The following BLK variants were observed in gnomAD, a reference collection of about 807,000 sequenced individuals.
BLK encodes BLK proto-oncogene, Src family tyrosine kinase, also known as tyrosine-protein kinase Blk.
BLK carries 64 observed loss-of-function variants against 61.8 expected under a neutral mutation model. That is an observed-to-expected ratio of 1.03 (90% CI 0.85 to 1.27). BLK has a LOEUF of 1.27. Among genes scored for constraint, BLK ranks in the 50% most tolerant of loss-of-function variants. The pLI is 0.00. For missense variants in BLK, 853 were observed against 660.5 expected (o/e 1.29, Z -3.19); for synonymous variants, 351 against 272.0 (o/e 1.29, Z -2.86).
rs190073743 is a variant in BLK, at chr8:11,531,260, G to A, written c.-1-11964G>A. Among the ~76,000 whole-genome samples the A allele has an allele frequency of 5.3e-5, 8 of 152,198 alleles. No homozygotes were observed. The South Asian group carries it at 1.7e-3, about 32-fold the overall frequency. ...AAATGTCCTGCCTGTCTCTGATTTAGCTATTTCTTTTCTTAATGGTGTTTT... is the reference window on the plus strand; with the variant it reads ...AAATGTCCTGCCTGTCTCTGATTTAACTATTTCTTTTCTTAATGGTGTTTT... On this transcript the variant is annotated intron_variant, in intron 1 of 12. Transcript: ENST00000259089.
intron 1 of BLK, among the ~76,000 whole-genome samples, chr8:11,516,207 G>C (rs983443930): frequency 6.6e-6 from 1 of 152,250 alleles, no homozygotes; most frequent in African/African-American, 2.4e-5. Context: ...CCCTGGAGTA[G>C]TCCCATTCAG....
chr8:11,562,788 G>C (rs1801549743), intron 11 of BLK, among the ~76,000 whole-genome samples, 191 bp from the exon 12 acceptor site: 1 of 152,204 alleles, frequency 6.6e-6, no homozygotes, highest in Non-Finnish European at 1.5e-5. Context: ...TGCTGATGTC[G>C]TGTCTGCACT....
intron 1 of BLK, among the ~76,000 whole-genome samples, chr8:11,518,246 A>G (rs555403631): frequency 1.3e-5 from 2 of 152,216 alleles, no homozygotes; most frequent in African/African-American, 4.8e-5. Context: ...CCCAGCTGAG[A>G]CGAAGCACCA....
intron 1 of BLK, 29 bp from the exon 2 acceptor site, chr8:11,543,195 G>A (rs1031574195): frequency 2.5e-6 from 4 of 1,613,192 alleles, no homozygotes; most frequent in Non-Finnish European, 3.4e-6. Flanking sequence ...GCTCTCTCAT[G>A]TCCTCTGTCT....
At position 11,564,590 on chromosome 8, in the gene BLK, G is replaced by T. The variant is rs1428630061; in HGVS notation, c.*482G>T. The T allele has an allele frequency of 9.7e-6, 4 of 412,590 alleles. No homozygotes were observed. The Admixed American group carries it at 1.0e-4, about 11-fold the overall frequency. 25.6% of individuals were successfully genotyped at this position (412,590 alleles called of 1,614,324 possible). A position where few individuals can be genotyped will look rare whatever the true frequency, so the allele number is the denominator to read the frequency against. On this transcript the variant is annotated 3_prime_UTR_variant, in exon 13 of 13. Transcript: ENST00000259089. ...CGGGGCTTTTCTGCAATAAAGTCAC[G>T]AGCGTTCGAGCTGTTCCGTGTCGTT...
chr8:11,518,997 G>C (rs1036285726), intron 1 of BLK, among the ~76,000 whole-genome samples: 1 of 152,016 alleles, frequency 6.6e-6, no homozygotes, highest in Non-Finnish European at 1.5e-5. Flanking sequence ...ATTCTGTCCC[G>C]TCATCCTGTT....
chr8:11,537,499 C>T (rs906514316), intron 1 of BLK, among the ~76,000 whole-genome samples: 2 of 152,118 alleles, frequency 1.3e-5, no homozygotes, highest in African/African-American at 4.8e-5. Context: ...ACTATTTTGC[C>T]ACAGGGGAGA....
At chr8:11,546,260 C>A (rs2244931) in intron 3 of BLK, among the ~76,000 whole-genome samples, 157 bp downstream of exon 3, 1 of 152,082 alleles carries the variant, frequency 6.6e-6, no homozygotes, top group South Asian at 2.1e-4. Context: ...CCTCTTGGGG[C>A]GTCTCTTCAG....
intron 1 of BLK, among the ~76,000 whole-genome samples, chr8:11,532,118 C>A (rs1404643587): frequency 2.0e-5 from 3 of 151,348 alleles, no homozygotes; most frequent in African/African-American, 4.9e-5. Flanking sequence ...TTCGGCCTCC[C>A]AAAGTGCTGG....
chr8:11,501,874 G>C (rs1286970289), intron 1 of BLK, among the ~76,000 whole-genome samples: 1 of 152,222 alleles, frequency 6.6e-6, no homozygotes, highest in African/African-American at 2.4e-5. Context: ...CTGGGTAGTA[G>C]TTTTTCAATA....
chr8:11,534,643 G>A (rs963927590), intron 1 of BLK, among the ~76,000 whole-genome samples: 1 of 152,176 alleles, frequency 6.6e-6, no homozygotes, highest in Non-Finnish European at 1.5e-5. Context: ...AATGGGGGGA[G>A]GTGAATTTCC....
chr8:11,546,723 A>C (rs916409040), intron 3 of BLK, among the ~76,000 whole-genome samples: 20 of 152,176 alleles, frequency 1.3e-4, no homozygotes, highest in Admixed American at 8.5e-4. Flanking sequence ...TTACAGGTGC[A>C]CACAACCACA....
At chr8:11,561,078 C>A (rs1016324118) in intron 10 of BLK, 1 of 698,554 alleles carries the variant, frequency 1.4e-6, no homozygotes, top group African/African-American at 1.7e-5. Context: ...GGGAGGGGCA[C>A]AGGTAGCCCC....
chr8:11,501,994 C>A (rs1798579319), intron 1 of BLK, among the ~76,000 whole-genome samples: 1 of 152,244 alleles, frequency 6.6e-6, no homozygotes, highest in African/African-American at 2.4e-5. Context: ...CGACCTGTAG[C>A]ATTTGCCTGT....
At chr8:11,513,295 C>G (rs1799093304) in intron 1 of BLK, among the ~76,000 whole-genome samples, 2 of 152,118 alleles carry the variant, frequency 1.3e-5, no homozygotes, top group Non-Finnish European at 2.9e-5. Context: ...AGCAGGGGTA[C>G]AAGGCTGATG....
chr8:11,499,612 G>A lies in BLK; in HGVS notation c.-2+5021G>A, dbSNP rs186992130. Among the ~76,000 whole-genome samples, 13 of 152,312 alleles carry A rather than the reference G, an allele frequency of 8.5e-5. No individual in the cohort carries two copies. The East Asian group carries it at 2.5e-3, about 29-fold the overall frequency. On this transcript the variant is annotated intron_variant, in intron 1 of 12. Transcript: ENST00000259089. ...TTTATTGCTGAGATGACGTTAAGCTGTTCGCATTCCACCCAGGACCTCCAC... is the reference window on the plus strand; with the variant it reads ...TTTATTGCTGAGATGACGTTAAGCTATTCGCATTCCACCCAGGACCTCCAC...
chr8:11,539,257 T>G (rs1048305876), intron 1 of BLK, among the ~76,000 whole-genome samples: 2 of 152,184 alleles, frequency 1.3e-5, no homozygotes, highest in African/African-American at 4.8e-5. Context: ...AAATATGGGA[T>G]TCCCTCATGC....
chr8:11,506,165 C>T (rs1181062839), intron 1 of BLK, among the ~76,000 whole-genome samples: 1 of 152,202 alleles, frequency 6.6e-6, no homozygotes, highest in African/African-American at 2.4e-5. Context: ...GGTTACCAGC[C>T]TGGCTCTGGA....
At chr8:11,499,393 C>T (rs1798475600) in intron 1 of BLK, among the ~76,000 whole-genome samples, 1 of 152,216 alleles carries the variant, frequency 6.6e-6, no homozygotes, top group Non-Finnish European at 1.5e-5. Context: ...CAATACGTAA[C>T]TATATTTTGG....
Sources: allele counts gnomAD v4.1 joint callset (sites outside exome capture counted in the v4.1 genomes callset), GRCh38; gene constraint gnomAD v4.1.1; transcripts MANE v1.5; gene names NCBI Gene and HGNC (gene_info 2026-07-23, HGNC 2026-07-21).